CAMKK2: variants seen among roughly 807,000 people sequenced by gnomAD.
CAMKK2 encodes calcium/calmodulin dependent protein kinase kinase 2, also known as calcium/calmodulin-dependent protein kinase kinase 2.
In CAMKK2, 30 loss-of-function variants were observed where a neutral mutation model predicts 67.2. The ratio of observed to expected loss-of-function variants is 0.45; its 90% CI spans 0.33 to 0.61. The LOEUF (loss-of-function observed/expected upper bound fraction) is 0.61. Ranked by LOEUF, CAMKK2 falls within the 20% of genes least tolerant of loss-of-function variation. The pLI is 0.02. For missense variants in CAMKK2, 643 were observed against 802.0 expected (o/e 0.80, Z 2.39); for synonymous variants, 322 against 326.2 (o/e 0.99, Z 0.14).
chr12:121,240,903 C>CT lies in CAMKK2; in HGVS notation c.1597-35dup, dbSNP rs1566025282. On this transcript the variant is annotated intron_variant, in intron 16 of 16. Transcript: ENST00000404169. The surrounding 1 kb of genome is among the most constrained non-coding windows in gnomAD (Gnocchi z 4.4). ...CGAACAGAAAACCAACATTAAGACT[C>CT]TGAGAAATGCCAGCGAGGCCCTGAG... The CT allele has an allele frequency of 6.2e-7, 1 of 1,607,020 alleles. No homozygotes were observed. The highest frequency in any genetic ancestry group is 1.7e-5 in the Admixed American group (1 of 58,772).
chr12:121,244,547 C>T (rs1012929058), intron 16 of CAMKK2, 26 bp downstream of exon 16: 2 of 1,555,564 alleles, frequency 1.3e-6, no homozygotes, highest in Non-Finnish European at 8.7e-7. Flanking sequence ...CCAGCAGAGG[C>T]TACGGCACAG....
At position 121,269,485 on chromosome 12, in the gene CAMKK2, T is replaced by C. The variant is rs751976469; in HGVS notation, c.573+43A>G. On this transcript the variant is annotated intron_variant, in intron 4 of 16. Transcript: ENST00000404169. ...CTGAGTGCTGGAAAGGAGGCTCTTC[T>C]GTGGATAAGGATGGGGGCAGGGAGG... The C allele has an allele frequency of 4.1e-6, 6 of 1,479,026 alleles. No individual in the cohort carries two copies. The South Asian group carries it at 7.1e-5, about 17-fold the overall frequency. The allele number at this position is 1,479,026 out of a possible 1,614,324, so 91.6% of individuals were successfully genotyped here.
At position 121,244,616 on chromosome 12, in the gene CAMKK2, C is replaced by A; in HGVS notation, c.1554-1G>T. On this transcript the variant is annotated splice_acceptor_variant, in intron 15 of 16. Transcript: ENST00000404169. LOFTEE classifies it high-confidence loss of function. ...CTCACATTCCCTGGTTGGTTTTTTG[C>A]TGGAATCACCAGAGGGAGGGAAAAG... The A allele has an allele frequency of 6.4e-7, 1 of 1,562,472 alleles. No individual in the cohort carries two copies.
intron 7 of CAMKK2, 99 bp downstream of exon 7, chr12:121,260,220 G>T (rs897444314): frequency 5.0e-6 from 5 of 991,712 alleles, no homozygotes; most frequent in African/African-American, 1.7e-5. Flanking sequence ...AGCTGTCTTT[G>T]GTGGAAGGTG....
At chr12:121,277,553 A>G (rs1427069635) in intron 1 of CAMKK2, among the ~76,000 whole-genome samples, 1 of 152,248 alleles carries the variant, frequency 6.6e-6, no homozygotes, top group East Asian at 1.9e-4. Flanking sequence ...GCCACAAAAA[A>G]GAAGGAAACT....
At chr12:121,244,086 T>G (rs1566031433) in intron 16 of CAMKK2, 1 of 1,610,638 alleles carries the variant, frequency 6.2e-7, no homozygotes, top group South Asian at 1.1e-5. Flanking sequence ...AGGGAACTCT[T>G]ACGTTACTTT....
In CAMKK2 at chr12:121,245,277, C is replaced by G. The variant is rs1431897484; in HGVS notation, c.1453-37G>C. The G allele has an allele frequency of 5.1e-6, 7 of 1,377,070 alleles. No homozygotes were observed. The highest frequency in any genetic ancestry group is 6.1e-6 in the Non-Finnish European group (6 of 981,704). The allele number at this position is 1,377,070 out of a possible 1,614,324, so 85.3% of individuals were successfully genotyped here. On this transcript the variant is annotated intron_variant, in intron 14 of 16. Coordinates refer to ENST00000404169, the MANE Select transcript of CAMKK2 (RefSeq NM_001270485.2). The surrounding 1 kb of genome is among the most constrained non-coding windows in gnomAD (Gnocchi z 5.8). ...GAAAAGAGGAGGTGGCAGGCAACTG[C>G]TTGGCCATGTGGGGGCGATTCTGGG... is the stretch of plus-strand genomic sequence containing the variant.
intron 6 of CAMKK2, among the ~76,000 whole-genome samples, chr12:121,263,485 T>G (rs1484924320): frequency 6.6e-6 from 1 of 152,156 alleles, no homozygotes; most frequent in Non-Finnish European, 1.5e-5. Context: ...GCTTTTGCGC[T>G]ATGACTACCC....
intron 7 of CAMKK2, among the ~76,000 whole-genome samples, chr12:121,256,733 T>A (rs1383612736): frequency 4.6e-5 from 7 of 152,222 alleles, no homozygotes; most frequent in Non-Finnish European, 8.8e-5. Flanking sequence ...CATGGATCAG[T>A]GCTTCATTCC....
chr12:121,297,806 C>T (rs929647301), upstream of CAMKK2: 5 of 451,862 alleles, frequency 1.1e-5, no homozygotes, highest in Non-Finnish European at 1.8e-5. Context: ...TATTTCTAGG[C>T]CGTAGGGACA....
intron 1 of CAMKK2, among the ~76,000 whole-genome samples, chr12:121,279,475 A>C (rs1053226029): frequency 6.6e-6 from 1 of 152,234 alleles, no homozygotes; most frequent in African/African-American, 2.4e-5. Flanking sequence ...TCATGCAAAA[A>C]GACAATAGTT....
intron 1 of CAMKK2, among the ~76,000 whole-genome samples, chr12:121,276,293 C>A (rs1194490811): frequency 6.6e-6 from 1 of 151,666 alleles, no homozygotes; most frequent in South Asian, 2.1e-4. Flanking sequence ...CCTGGTGAAA[C>A]CCCATCTCTA....
chr12:121,257,501 G>A (rs1892575910), intron 7 of CAMKK2, among the ~76,000 whole-genome samples: 1 of 152,092 alleles, frequency 6.6e-6, no homozygotes, highest in Non-Finnish European at 1.5e-5. Flanking sequence ...ACCCACCTCG[G>A]CCTCCCAAAG....
chr12:121,271,149 C>T (rs1416047595), intron 2 of CAMKK2, among the ~76,000 whole-genome samples: 1 of 151,712 alleles, frequency 6.6e-6, no homozygotes, highest in Non-Finnish European at 1.5e-5. Flanking sequence ...GTGGTGGGCA[C>T]CTGTAATCCC....
chr12:121,285,511 A>G lies in CAMKK2; in HGVS notation c.-59-10926T>C, dbSNP rs1318940460. ...GAGCAGGACCTTATCTAAAAAAGAA[A>G]CAGAGTAGATGTGTGGGCCAGGCAT... On this transcript the variant is annotated intron_variant, in intron 1 of 16. Transcript: ENST00000404169. The surrounding 1 kb of genome is among the most constrained non-coding windows in gnomAD (Gnocchi z 4.1). 2.6e-5 allele frequency among the ~76,000 whole-genome samples: 4 copies of G among 151,566 alleles called. No individual in the cohort carries two copies. Among genetic ancestry groups the G allele is most frequent in the Non-Finnish European group, 5.9e-5 (4 of 67,904 alleles).
chr12:121,263,973 CAA>C (rs1164309684), intron 5 of CAMKK2, 34 bp from the exon 6 acceptor site: 1 of 1,532,258 alleles, frequency 6.5e-7, no homozygotes, highest in Non-Finnish European at 8.8e-7. Context: ...AGGGTCAGGG[CAA>C]AGAGACTTTC....
At chr12:121,249,759 C>A (rs777784702) in intron 13 of CAMKK2, 28 bp downstream of exon 13, 1 of 1,599,722 alleles carries the variant, frequency 6.3e-7, no homozygotes. Flanking sequence ...CAATTCCGAG[C>A]ACGGGGCACA....
At chr12:121,270,243 A>G (rs1354721970) in intron 3 of CAMKK2, among the ~76,000 whole-genome samples, 1 of 151,770 alleles carries the variant, frequency 6.6e-6, no homozygotes, top group African/African-American at 2.4e-5. Context: ...GGTGGTGCAC[A>G]CCTGTACTCC....
At chr12:121,293,971 GC>G (rs1203891738) in intron 1 of CAMKK2, among the ~76,000 whole-genome samples, 1 of 151,906 alleles carries the variant, frequency 6.6e-6, no homozygotes, top group South Asian at 2.1e-4. Flanking sequence ...TCCTTCTTGT[GC>G]CCCACGCTGG....
Sources: allele counts gnomAD v4.1 joint callset (sites outside exome capture counted in the v4.1 genomes callset), GRCh38; gene constraint gnomAD v4.1.1; non-coding constraint Gnocchi (gnomAD v3.1); transcripts MANE v1.5; gene names NCBI Gene and HGNC (gene_info 2026-07-23, HGNC 2026-07-21).